Variants in GPC5 observed in about 807,000 individuals in gnomAD.
GPC5 encodes glypican-5.
Under a neutral mutation model 53.9 loss-of-function variants are expected in GPC5, and 47 were observed. The ratio of observed to expected loss-of-function variants is 0.87; its 90% CI spans 0.69 to 1.11. The LOEUF is 1.11. Among genes scored for constraint, GPC5 ranks in the 50% most tolerant of loss-of-function variants. The pLI is 0.00. For missense variants in GPC5, 748 were observed against 713.1 expected (o/e 1.05, Z -0.56); for synonymous variants, 286 against 263.3 (o/e 1.09, Z -0.84).
intron 2 of GPC5, among the ~76,000 whole-genome samples, chr13:91,580,416 CAT>C (rs909175885): frequency 6.6e-6 from 1 of 152,118 alleles, no homozygotes; most frequent in Non-Finnish European, 1.5e-5. Context: ...TATAAAATAT[CAT>C]ATGAGTAATA....
At chr13:91,936,381 C>T (rs1446639912) in intron 6 of GPC5, among the ~76,000 whole-genome samples, 2 of 152,072 alleles carry the variant, frequency 1.3e-5, no homozygotes, top group East Asian at 1.9e-4. Context: ...TAACCTATAA[C>T]GTTTCTGCTT....
At chr13:92,333,937 GCAAAA>G (rs532467445) in intron 7 of GPC5, among the ~76,000 whole-genome samples, 56 of 151,930 alleles carry the variant, frequency 3.7e-4, no homozygotes, top group Admixed American at 1.1e-3. Context: ...GAAATCCTAA[GCAAAA>G]CAAAACAAAA....
At position 92,769,266 on chromosome 13, in the gene GPC5, T is replaced by A. The variant is rs888385820; in HGVS notation, c.1562-97016T>A. Among the ~76,000 whole-genome samples, 8 of 152,330 alleles carry A rather than the reference T, an allele frequency of 5.3e-5. No homozygotes were observed. In the East Asian group the frequency reaches 1.5e-3, roughly 29 times the overall value. ...TATGGCAGGACTATAAATTATGCCA[T>A]GTTCTGTAAGATGATGCAATCCTCC... is the stretch of plus-strand genomic sequence containing the variant. On this transcript the variant is annotated intron_variant, in intron 7 of 7. Coordinates refer to ENST00000377067, the MANE Select transcript of GPC5 (RefSeq NM_004466.6).
intron 7 of GPC5, among the ~76,000 whole-genome samples, chr13:92,611,663 T>C (rs1387581932): frequency 6.6e-6 from 1 of 152,174 alleles, no homozygotes; most frequent in Non-Finnish European, 1.5e-5. Flanking sequence ...TATGTCCTAG[T>C]TACAGGATTT....
chr13:92,486,288 G>T (rs571167571), intron 7 of GPC5, among the ~76,000 whole-genome samples: 1 of 152,024 alleles, frequency 6.6e-6, no homozygotes, highest in Non-Finnish European at 1.5e-5. Context: ...GACCTTCACC[G>T]AAAAATACAC....
chr13:92,416,501 G>A (rs180856707), intron 7 of GPC5, among the ~76,000 whole-genome samples: 1 of 152,112 alleles, frequency 6.6e-6, no homozygotes, highest in East Asian at 1.9e-4. Context: ...AATGGTGCTG[G>A]GACAACTGAA....
At chr13:91,600,447 A>C (rs1459226479) in intron 2 of GPC5, among the ~76,000 whole-genome samples, 1 of 151,788 alleles carries the variant, frequency 6.6e-6, no homozygotes, top group Non-Finnish European at 1.5e-5. Flanking sequence ...GTGCCACTGC[A>C]CTCCAGCCTG....
intron 7 of GPC5, among the ~76,000 whole-genome samples, chr13:92,754,721 A>G (rs927898428): frequency 6.6e-5 from 10 of 151,720 alleles, no homozygotes; most frequent in African/African-American, 1.9e-4. Flanking sequence ...CAAAGATCAA[A>G]AGAGACAAAG....
chr13:92,063,864 A>C (rs764102540), intron 6 of GPC5, among the ~76,000 whole-genome samples: 1 of 152,218 alleles, frequency 6.6e-6, no homozygotes, highest in Non-Finnish European at 1.5e-5. Flanking sequence ...TGTATTAATA[A>C]ATTGCTTGAA....
chr13:92,533,276 A>G (rs1186729916), intron 7 of GPC5, among the ~76,000 whole-genome samples: 1 of 152,160 alleles, frequency 6.6e-6, no homozygotes, highest in African/African-American at 2.4e-5. Context: ...ATGTTCTCAT[A>G]CTGTAGGTTT....
intron 6 of GPC5, among the ~76,000 whole-genome samples, chr13:92,130,718 A>G (rs2041736686): frequency 6.6e-6 from 1 of 152,006 alleles, no homozygotes; most frequent in Non-Finnish European, 1.5e-5. Context: ...ATGTTGTATA[A>G]AATATATGAC....
chr13:91,836,299 T>C (rs2138863923), intron 5 of GPC5, among the ~76,000 whole-genome samples: 1 of 152,174 alleles, frequency 6.6e-6, no homozygotes, highest in South Asian at 2.1e-4. Flanking sequence ...CATTTAAACT[T>C]TTTGGTTTTC....
intron 7 of GPC5, among the ~76,000 whole-genome samples, chr13:92,835,134 A>G (rs924978192): frequency 2.0e-5 from 3 of 152,062 alleles, no homozygotes; most frequent in African/African-American, 7.2e-5. Flanking sequence ...CAGATTTATT[A>G]CCAAATTATA....
chr13:92,613,355 TATAATA>T (rs1884516645), intron 7 of GPC5, among the ~76,000 whole-genome samples: 1 of 98,150 alleles, frequency 1.0e-5, no homozygotes, highest in Non-Finnish European at 1.8e-5. Context: ...TATATAAATA[TATAATA>T]TATTTATATA....
At chr13:91,518,804 C>T (rs139295931) in intron 2 of GPC5, among the ~76,000 whole-genome samples, 21 of 152,292 alleles carry the variant, frequency 1.4e-4, no homozygotes, top group African/African-American at 4.6e-4. Context: ...CCACCAGTCT[C>T]GGCCTCCCAA....
At chr13:91,956,676 C>A (rs1317167644) in intron 6 of GPC5, among the ~76,000 whole-genome samples, 1 of 152,124 alleles carries the variant, frequency 6.6e-6, no homozygotes, top group African/African-American at 2.4e-5. Flanking sequence ...CTAATGACTG[C>A]AAGGCACTAA....
At chr13:92,014,982 G>GATATATACACTATAT in intron 6 of GPC5, among the ~76,000 whole-genome samples, 1 of 152,052 alleles carries the variant, frequency 6.6e-6, no homozygotes, top group African/African-American at 2.4e-5. Flanking sequence ...TTGGGCAAGG[G>GATATATACACTATAT]ATCTAGTGTC....
chr13:92,537,593 T>A (rs1385470217), intron 7 of GPC5, among the ~76,000 whole-genome samples: 1 of 152,136 alleles, frequency 6.6e-6, no homozygotes. Context: ...TTGCCTAATA[T>A]AAGTTTACAA....
chr13:92,279,456 C>T (rs1234308632), intron 7 of GPC5, among the ~76,000 whole-genome samples: 1 of 151,882 alleles, frequency 6.6e-6, no homozygotes, highest in Non-Finnish European at 1.5e-5. Context: ...TACTTCTTTT[C>T]TAATATGTCT....
Sources: allele counts gnomAD v4.1 joint callset (sites outside exome capture counted in the v4.1 genomes callset), GRCh38; gene constraint gnomAD v4.1.1; transcripts MANE v1.5; gene names NCBI Gene and HGNC (gene_info 2026-07-23, HGNC 2026-07-21).